The following CREB5 variants were observed in gnomAD, a reference collection of about 807,000 sequenced individuals.
CREB5 encodes cAMP responsive element binding protein 5, also known as cyclic AMP-responsive element-binding protein 5.
CREB5 carries 19 observed loss-of-function variants against 57.1 expected under a neutral mutation model. That is an observed-to-expected ratio of 0.33 (90% CI 0.23 to 0.49). CREB5 has a LOEUF of 0.49. Ranked by LOEUF, CREB5 falls within the 20% of genes least tolerant of loss-of-function variation. The pLI is 0.99. For missense variants in CREB5, 579 were observed against 671.6 expected (o/e 0.86, Z 1.52); for synonymous variants, 238 against 238.3 (o/e 1.00, Z 0.01).
At chr7:28,793,113 C>A (rs1220897759) in intron 7 of CREB5, among the ~76,000 whole-genome samples, 1 of 152,136 alleles carries the variant, frequency 6.6e-6, no homozygotes, top group East Asian at 1.9e-4. Context: ...TCCCCACCAA[C>A]TCCTCCTCCC....
At chr7:28,725,969 G>A (rs1803313417) in intron 7 of CREB5, among the ~76,000 whole-genome samples, 1 of 152,114 alleles carries the variant, frequency 6.6e-6, no homozygotes. Flanking sequence ...CTTCTTGCTG[G>A]CAAAGAAGGA....
At chr7:28,400,258 T>C (rs2127999529) in intron 1 of CREB5, among the ~76,000 whole-genome samples, 1 of 152,328 alleles carries the variant, frequency 6.6e-6, no homozygotes, top group Non-Finnish European at 1.5e-5. Flanking sequence ...CGTGACCTTA[T>C]TCAAATTACT....
At chr7:28,538,867 A>G (rs926957235) in intron 4 of CREB5, among the ~76,000 whole-genome samples, 3 of 152,252 alleles carry the variant, frequency 2.0e-5, no homozygotes, top group Non-Finnish European at 4.4e-5. Context: ...ATATAGAAGC[A>G]TCTTGTTTCA....
intron 1 of CREB5, among the ~76,000 whole-genome samples, chr7:28,451,059 T>G (rs1479985999): frequency 1.3e-5 from 2 of 152,168 alleles, no homozygotes; most frequent in African/African-American, 4.8e-5. Flanking sequence ...ATGTAAATGA[T>G]GTAACAAGTA....
In CREB5 at chr7:28,495,335, C is replaced by G. The variant is rs116673051; in HGVS notation, c.169+336C>G. Among the ~76,000 whole-genome samples the G allele has an allele frequency of 2.2e-3, 341 of 152,026 alleles. 3 individuals are homozygous for G. Among genetic ancestry groups the G allele is most frequent in the African/African-American group, 7.9e-3 (328 of 41,476 alleles). On this transcript the variant is annotated intron_variant, in intron 3 of 10. Transcript: ENST00000357727. ...GGCAGATCACTTGAGGTCAGGAGTT[C>G]GAGTGATACCAACCTGGTCAACATG...
chr7:28,775,933 T>A (rs1463238200), intron 7 of CREB5, among the ~76,000 whole-genome samples: 1 of 152,170 alleles, frequency 6.6e-6, no homozygotes, highest in Admixed American at 6.5e-5. Context: ...GAAAATATTA[T>A]CACCTTTTTA....
At chr7:28,620,826 G>C (rs888098453) in intron 5 of CREB5, among the ~76,000 whole-genome samples, 1 of 152,076 alleles carries the variant, frequency 6.6e-6, no homozygotes, top group Non-Finnish European at 1.5e-5. Context: ...TTACCAAAGA[G>C]AGAATCAAAT....
At chr7:28,620,104 CA>C (rs1189631898) in intron 5 of CREB5, among the ~76,000 whole-genome samples, 3 of 152,054 alleles carry the variant, frequency 2.0e-5, no homozygotes, top group Non-Finnish European at 4.4e-5. Context: ...TAAAACGGTA[CA>C]ATTTTAACTG....
chr7:28,564,608 A>G (rs1795410332), intron 4 of CREB5, among the ~76,000 whole-genome samples: 1 of 152,226 alleles, frequency 6.6e-6, no homozygotes, highest in African/African-American at 2.4e-5. Flanking sequence ...ATGAATGGAG[A>G]GCAAAGCATC....
At chr7:28,755,584 C>T (rs562638747) in intron 7 of CREB5, among the ~76,000 whole-genome samples, 1 of 152,246 alleles carries the variant, frequency 6.6e-6, no homozygotes, top group Non-Finnish European at 1.5e-5. Context: ...ACGATGAAAT[C>T]AGTTTTTTTG....
chr7:28,503,092 T>C (rs1192232233), intron 3 of CREB5, among the ~76,000 whole-genome samples: 1 of 152,256 alleles, frequency 6.6e-6, no homozygotes. Flanking sequence ...GAGTCGCATA[T>C]GCATTGAGCC....
intron 1 of CREB5, among the ~76,000 whole-genome samples, chr7:28,433,015 G>A (rs1256177344): frequency 1.3e-5 from 2 of 152,060 alleles, no homozygotes; most frequent in Non-Finnish European, 2.9e-5. Context: ...TTGAAAATGT[G>A]ATTTTAATAG....
intron 1 of CREB5, among the ~76,000 whole-genome samples, chr7:28,469,513 T>C (rs1790724056): frequency 6.6e-6 from 1 of 152,194 alleles, no homozygotes; most frequent in Non-Finnish European, 1.5e-5. Flanking sequence ...TAAACATAAG[T>C]TCATACATGA....
At chr7:28,467,814 G>A (rs1162715670) in intron 1 of CREB5, among the ~76,000 whole-genome samples, 1 of 152,196 alleles carries the variant, frequency 6.6e-6, no homozygotes, top group Admixed American at 6.5e-5. Flanking sequence ...CCCAAGACAA[G>A]CTGCAGAAGG....
chr7:28,702,683 T>C (rs530049492), intron 5 of CREB5, among the ~76,000 whole-genome samples: 9 of 152,186 alleles, frequency 5.9e-5, no homozygotes, highest in Non-Finnish European at 1.3e-4. Context: ...ATCACAGAGA[T>C]GGATACTAAA....
At chr7:28,700,081 GAT>G (rs1348615471) in intron 5 of CREB5, among the ~76,000 whole-genome samples, 1 of 152,194 alleles carries the variant, frequency 6.6e-6, no homozygotes, top group East Asian at 1.9e-4. Flanking sequence ...ATCATCCAGA[GAT>G]CGTTTTCATG....
intron 4 of CREB5, among the ~76,000 whole-genome samples, chr7:28,530,810 G>T (rs1012700152): frequency 6.6e-6 from 1 of 152,166 alleles, no homozygotes; most frequent in Non-Finnish European, 1.5e-5. Flanking sequence ...ATCTCCACCC[G>T]CAGTCCTGCC....
At chr7:28,580,175 A>G (rs1190148976) in intron 5 of CREB5, among the ~76,000 whole-genome samples, 1 of 152,194 alleles carries the variant, frequency 6.6e-6, no homozygotes, top group Non-Finnish European at 1.5e-5. Context: ...GGCAACCTAT[A>G]GATGCCTACT....
intron 1 of CREB5, among the ~76,000 whole-genome samples, chr7:28,362,896 T>C (rs1287471171): frequency 6.6e-6 from 1 of 152,210 alleles, no homozygotes; most frequent in African/African-American, 2.4e-5. Flanking sequence ...ATAGTAATTA[T>C]TCTAGCTGGT....
Sources: gnomAD v4.1 joint callset for allele counts (sites outside exome capture counted in the v4.1 genomes callset) on GRCh38, gnomAD v4.1.1 for gene constraint, MANE v1.5 for transcripts, NCBI Gene and HGNC (gene_info 2026-07-23, HGNC 2026-07-21) for gene names.